PNPLA3: variants seen among roughly 807,000 people sequenced by gnomAD.
PNPLA3 encodes patatin like domain 3, 1-acylglycerol-3-phosphate O-acyltransferase.
In PNPLA3, 42 loss-of-function variants were observed where a neutral mutation model predicts 43.1. The ratio of observed to expected loss-of-function variants is 0.97; its 90% confidence interval spans 0.76 to 1.26. The LOEUF (loss-of-function observed/expected upper bound fraction) is 1.26, where lower values mean the gene tolerates loss of function less well. PNPLA3 is among the 50% of genes most tolerant of loss of function. The probability of loss-of-function intolerance (pLI) is 0.00; values close to 1 mark genes in which losing one functional copy is unlikely to be tolerated. For missense variants in PNPLA3, 647 were observed against 621.4 expected (o/e 1.04, Z -0.44); for synonymous variants, 272 against 253.6 (o/e 1.07, Z -0.69).
intron 6 of PNPLA3, 135 bp downstream of exon 6, chr22:43,937,407 G>A: frequency 1.3e-6 from 1 of 798,598 alleles, no homozygotes; most frequent in Non-Finnish European, 2.0e-6. Context: ...CTCCTTCCAT[G>A]TGTACAGCCT....
At position 43,946,679 on chromosome 22, in the gene PNPLA3, C is replaced by T; in HGVS notation, c.*297C>T. The T allele has an allele frequency of 1.7e-6, 1 of 601,366 alleles. No individual in the cohort carries two copies. The highest frequency in any genetic ancestry group is 3.2e-6 in the Non-Finnish European group (1 of 314,584). 37.3% of individuals were successfully genotyped at this position (601,366 alleles called of 1,614,324 possible). Reference sequence around the variant, plus strand: ...TTTCGTGGCCCTATTAATGGTCAGACTGTTCCAGCATGAGGTTCTTAGAAT... The same window carrying T: ...TTTCGTGGCCCTATTAATGGTCAGATTGTTCCAGCATGAGGTTCTTAGAAT... On this transcript the variant is annotated 3_prime_UTR_variant, in exon 9 of 9. Transcript: ENST00000216180.
chr22:43,941,787 G>A (rs2050032865), intron 7 of PNPLA3, among the ~76,000 whole-genome samples: 1 of 150,584 alleles, frequency 6.6e-6, no homozygotes, highest in East Asian at 2.0e-4. Context: ...GAGGGCACTT[G>A]ATTAAAAAAA....
intron 3 of PNPLA3, among the ~76,000 whole-genome samples, chr22:43,932,181 G>A (rs1361947031): frequency 3.3e-5 from 5 of 152,164 alleles, no homozygotes; most frequent in African/African-American, 1.2e-4. Context: ...AAAGCTGCCT[G>A]CCCCAGCCGA....
chr22:43,934,640 A>G lies in PNPLA3; in HGVS notation c.731A>G (p.Asp244Gly). 1 of 1,613,862 alleles carries G rather than the reference A, an allele frequency of 6.2e-7. No homozygotes were observed. The highest frequency in any genetic ancestry group is 1.1e-5 in the South Asian group (1 of 91,078). Reference protein sequence around the residue: ...LGEICLRGYLDAFRFLEEKGI... With the variant: ...LGEICLRGYLGAFRFLEEKGI... ...GAGATATGCCTTCGAGGATATTTGG[A>G]TGCATTCAGGTTCTTGGAAGAGAAG... Residue 244 changes from aspartate to glycine, a missense_variant, in exon 5 of 9, where the codon GAT becomes GGT. Transcript: ENST00000216180.
intron 7 of PNPLA3, among the ~76,000 whole-genome samples, chr22:43,941,294 CTTCCTCTGATTGGGT>C (rs752050996): frequency 1.5e-5 from 2 of 137,012 alleles, no homozygotes; most frequent in Admixed American, 7.5e-5. Context: ...CTTGATTGGG[CTTCCTCTGATTGGGT>C]TTCCTCTGAT....
Position 43,936,487 on chromosome 22 carries a change from G to C in PNPLA3, c.758-564G>C, listed in dbSNP as rs556334895. On this transcript the variant is annotated intron_variant, in intron 5 of 8. Transcript: ENST00000216180. ...GCTGGTGGCTGAGTCCCAGCACCCA[G>C]GACAGGGCCTGGCACATACTGGTGC... 1.1e-4 allele frequency among the ~76,000 whole-genome samples: 16 copies of C among 152,276 alleles called. No homozygotes were observed. In the East Asian group the frequency reaches 3.1e-3, roughly 29 times the overall value.
chr22:43,945,874 G>A (rs997430601), intron 8 of PNPLA3, among the ~76,000 whole-genome samples: 10 of 152,176 alleles, frequency 6.6e-5, no homozygotes, highest in African/African-American at 9.7e-5. Flanking sequence ...GTTTGTGTGG[G>A]GGAAACTGAT....
In PNPLA3 at chr22:43,927,129, C is replaced by T; in HGVS notation, c.382C>T (p.Leu128=). ...CAGAGTGTCTGATGGGGAAAACGTT[C>T]TGGTGTCTGACTTTCGGTCCAAAGA... ...LTRVSDGENV[L]VSDFRSKDEV... Residue 128 remains leucine (L), a synonymous_variant, in exon 2 of 9, where the codon CTG becomes TTG. Transcript: ENST00000216180. 1 of 1,614,210 alleles carries T rather than the reference C, an allele frequency of 6.2e-7. No individual in the cohort carries two copies. Among genetic ancestry groups the T allele is most frequent in the South Asian group, 1.1e-5 (1 of 91,080 alleles).
At position 43,934,612 on chromosome 22, in the gene PNPLA3, G is replaced by T; in HGVS notation, c.703G>T (p.Gly235Ter). ...AFVPPDLKVL[G>*]EICLRGYLDA... ...TTGCTTGCTTTGCTCACAGGTGCTG[G>T]GAGAGATATGCCTTCGAGGATATTT... is the stretch of plus-strand genomic sequence containing the variant. Residue 235 changes from glycine (G) to a stop codon, truncating the protein, a stop_gained, in exon 5 of 9, where the codon GGA (glycine) becomes TGA (stop). Transcript: ENST00000216180. LOFTEE classifies it high-confidence loss of function. The T allele has an allele frequency of 6.2e-7, 1 of 1,613,702 alleles. No individual in the cohort carries two copies. The highest frequency in any genetic ancestry group is 8.5e-7 in the Non-Finnish European group (1 of 1,179,622).
chr22:43,929,202 G>T (rs563241835), intron 3 of PNPLA3, among the ~76,000 whole-genome samples: 7 of 152,112 alleles, frequency 4.6e-5, no homozygotes, highest in African/African-American at 1.4e-4. Flanking sequence ...TTGGCCAGGC[G>T]CGGTGGCTCA....
At chr22:43,929,891 C>T (rs1380314625) in intron 3 of PNPLA3, among the ~76,000 whole-genome samples, 3 of 152,156 alleles carry the variant, frequency 2.0e-5, no homozygotes, top group African/African-American at 4.8e-5. Flanking sequence ...GCCATGGTGC[C>T]CGGCCAACAA....
intron 5 of PNPLA3, among the ~76,000 whole-genome samples, chr22:43,935,118 T>C (rs2049986745): frequency 6.6e-6 from 1 of 152,220 alleles, no homozygotes; most frequent in Admixed American, 6.5e-5. Flanking sequence ...AAGTTTGCTC[T>C]TCCCAGAGCA....
chr22:43,945,413 G>C (rs1362739075), intron 8 of PNPLA3, among the ~76,000 whole-genome samples: 1 of 152,142 alleles, frequency 6.6e-6, no homozygotes, highest in Admixed American at 6.5e-5. Flanking sequence ...CATTACCAGG[G>C]TTGGGCGTTA....
Position 43,926,941 on chromosome 22 carries a change from C to T in PNPLA3, c.194C>T (p.Thr65Ile). Residue 65 changes from threonine (T) to isoleucine (I), a missense_variant, in exon 2 of 9, where the codon ACT becomes ATT. Coordinates refer to ENST00000216180, the MANE Select transcript of PNPLA3 (RefSeq NM_025225.3). ...GVLSGIPLEQ[T>I]LQVLSDLVRK... is the part of the protein sequence containing the mutation. ...ATTTGTCTCCTGTCCCCAGAGCAGA[C>T]TCTGCAGGTCCTCTCAGATCTTGTG... 6.2e-7 allele frequency: 1 copy of T among 1,614,046 alleles called. No individual in the cohort carries two copies. The highest frequency in any genetic ancestry group is 8.5e-7 in the Non-Finnish European group (1 of 1,179,890).
chr22:43,946,424 C>G lies in PNPLA3; in HGVS notation c.*42C>G. ...AGTCTAGCAGATTCTTTCAGAGGTG[C>G]TAAAGTTTCCCATCTTTGTGCAGCT... On this transcript the variant is annotated 3_prime_UTR_variant, in exon 9 of 9. Transcript: ENST00000216180. 1 of 1,570,070 alleles carries G rather than the reference C, an allele frequency of 6.4e-7. No individual in the cohort carries two copies. Among genetic ancestry groups the G allele is most frequent in the Non-Finnish European group, 8.8e-7 (1 of 1,140,362 alleles).
chr22:43,925,270 T>C (rs2049914767), intron 1 of PNPLA3, among the ~76,000 whole-genome samples: 2 of 152,242 alleles, frequency 1.3e-5, no homozygotes, highest in South Asian at 4.1e-4. Context: ...TATTTGTCCA[T>C]GTGGGTACCT....
Position 43,923,894 on chromosome 22 carries a change from C to A in PNPLA3, c.-18C>A, listed in dbSNP as rs754146812. On this transcript the variant is annotated 5_prime_UTR_variant, in exon 1 of 9. Coordinates refer to ENST00000216180, the MANE Select transcript of PNPLA3 (RefSeq NM_025225.3). ...CGACCCAGATCCTAACCCGCGCCCCCGCCCCGCCGCCGCCGCCATGTACGA... is the reference window on the plus strand; with the variant it reads ...CGACCCAGATCCTAACCCGCGCCCCAGCCCCGCCGCCGCCGCCATGTACGA... 1 of 1,495,956 alleles carries A rather than the reference C, an allele frequency of 6.7e-7. No homozygotes were observed. Among genetic ancestry groups the A allele is most frequent in the Non-Finnish European group, 8.9e-7 (1 of 1,129,482 alleles). 92.7% of individuals were successfully genotyped at this position (1,495,956 alleles called of 1,614,324 possible). A position where few individuals can be genotyped will look rare whatever the true frequency, so the allele number is the denominator to read the frequency against.
At chr22:43,930,611 G>A (rs2049955716) in intron 3 of PNPLA3, among the ~76,000 whole-genome samples, 1 of 152,190 alleles carries the variant, frequency 6.6e-6, no homozygotes, top group Admixed American at 6.5e-5. Flanking sequence ...CAAGCCCTCT[G>A]GGTCCTACTC....
chr22:43,941,271 T>G (rs1034141266), intron 7 of PNPLA3, among the ~76,000 whole-genome samples: 2 of 149,696 alleles, frequency 1.3e-5, no homozygotes, highest in African/African-American at 4.9e-5. Context: ...ACAGTGTGAC[T>G]CTCCTAGAAC....
Sources: gnomAD v4.1 joint callset for allele counts (sites outside exome capture counted in the v4.1 genomes callset) on GRCh38, gnomAD v4.1.1 for gene constraint, MANE v1.5 for transcripts, NCBI Gene and HGNC (gene_info 2026-07-23, HGNC 2026-07-21) for gene names.